The following RAI1 variants were observed in gnomAD, a reference collection of about 807,000 sequenced individuals.
RAI1 encodes the protein retinoic acid induced 1, also known as retinoic acid-induced protein 1.
A neutral mutation model predicts 123.8 loss-of-function variants in RAI1; 9 were observed. The ratio of observed to expected loss-of-function variants is 0.07; its 90% CI spans 0.04 to 0.13. The LOEUF (loss-of-function observed/expected upper bound fraction) is 0.13. RAI1 is among the 10% of genes least tolerant of loss of function. The pLI, the probability that RAI1 is intolerant of heterozygous loss-of-function variation, is 1.00. For synonymous variants in RAI1, 1,231 were observed against 1,127.3 expected (o/e 1.09, Z -1.84); for missense variants, 2,256 against 2,545.8 (o/e 0.89, Z 2.45).
intron 1 of RAI1, among the ~76,000 whole-genome samples, chr17:17,687,313 C>T (rs1050169585): frequency 6.6e-6 from 1 of 152,140 alleles, no homozygotes; most frequent in African/African-American, 2.4e-5. Context: ...GCTGGGGAGT[C>T]TTCCTTTCCT....
At chr17:17,788,890 A>G (rs1452993554) in intron 2 of RAI1, among the ~76,000 whole-genome samples, 1 of 152,092 alleles carries the variant, frequency 6.6e-6, no homozygotes, top group Non-Finnish European at 1.5e-5. Context: ...GGGTCTGAGG[A>G]GGCTTTAGGC....
At chr17:17,743,576 A>G (rs1291940646) in intron 2 of RAI1, among the ~76,000 whole-genome samples, 41 of 151,928 alleles carry the variant, frequency 2.7e-4, no homozygotes, top group Admixed American at 2.6e-3. Flanking sequence ...GCCACTGGAA[A>G]CTCCAGGACA....
Position 17,702,773 on chromosome 17 carries a change from T to C in RAI1, c.-149+20980T>C, listed in dbSNP as rs570701874. 4.6e-5 allele frequency among the ~76,000 whole-genome samples: 7 copies of C among 152,314 alleles called. No homozygotes were observed. The South Asian group carries it at 1.4e-3, about 32-fold the overall frequency. ...CAGTAGTTTATCACCAGCCATGAGG[T>C]GGCTTCTCTTAATATCTCATTTTGC... On this transcript the variant is annotated intron_variant, in intron 1 of 5. Coordinates refer to ENST00000353383, the MANE Select transcript of RAI1 (RefSeq NM_030665.4).
chr17:17,748,967 T>A (rs978952567), intron 2 of RAI1, among the ~76,000 whole-genome samples: 1 of 152,152 alleles, frequency 6.6e-6, no homozygotes, highest in African/African-American at 2.4e-5. Flanking sequence ...AACTGCTGCA[T>A]CTGTTCCTGC....
chr17:17,802,822 A>G (rs1391253067), intron 3 of RAI1, among the ~76,000 whole-genome samples: 3 of 149,814 alleles, frequency 2.0e-5, no homozygotes, highest in African/African-American at 7.4e-5. Flanking sequence ...TATGTCTTAC[A>G]CCTGTAATCC....
intron 2 of RAI1, among the ~76,000 whole-genome samples, chr17:17,769,757 G>A (rs1458813813): frequency 1.3e-5 from 2 of 152,140 alleles, no homozygotes; most frequent in Non-Finnish European, 2.9e-5. Flanking sequence ...AGGCCTGTGG[G>A]GCGAGGAGGC....
At chr17:17,737,489 T>C (rs535351941) in intron 2 of RAI1, among the ~76,000 whole-genome samples, 1 of 152,302 alleles carries the variant, frequency 6.6e-6, no homozygotes, top group South Asian at 2.1e-4. Context: ...AGTCTTACTC[T>C]TGGGGTCCCT....
chr17:17,736,004 G>A (rs1047697291), intron 2 of RAI1, among the ~76,000 whole-genome samples: 2 of 152,178 alleles, frequency 1.3e-5, no homozygotes, highest in Non-Finnish European at 1.5e-5. Flanking sequence ...TTGTGTATCT[G>A]TGTTATGTGT....
In RAI1 at chr17:17,798,321, TG is replaced by T; in HGVS notation, c.5378del (p.Gly1793AlafsTer57). On this transcript the variant is annotated frameshift_variant, in exon 3 of 6. Coordinates refer to ENST00000353383, the MANE Select transcript of RAI1 (RefSeq NM_030665.4). The stretch of plus-strand genomic sequence containing the variant: ...GCTACTGCTGTGATGGCCGGGAGGA[TG>T]GGGGCGAGGAGGCAGCCCCAGCCGA... ...SCYCCDGRED[G>X]GEEAAPADKG... 6.3e-7 allele frequency: 1 copy of T among 1,597,470 alleles called. No homozygotes were observed. The highest frequency in any genetic ancestry group is 8.5e-7 in the Non-Finnish European group (1 of 1,171,488).
intron 2 of RAI1, among the ~76,000 whole-genome samples, chr17:17,771,348 A>G (rs2031150438): frequency 6.6e-6 from 1 of 152,226 alleles, no homozygotes; most frequent in Admixed American, 6.5e-5. Flanking sequence ...GAGCAGGTCC[A>G]TGAAAGGCCC....
chr17:17,758,747 G>T (rs1013361781), intron 2 of RAI1, among the ~76,000 whole-genome samples: 1 of 152,362 alleles, frequency 6.6e-6, no homozygotes, highest in Admixed American at 6.5e-5. Context: ...ACTCAGGGCG[G>T]TGAGGATATC....
At chr17:17,783,080 C>A (rs2031663262) in intron 2 of RAI1, among the ~76,000 whole-genome samples, 2 of 144,248 alleles carry the variant, frequency 1.4e-5, no homozygotes, top group African/African-American at 2.6e-5. Flanking sequence ...CTGGTGGCAG[C>A]CCCCCGCGGT....
In RAI1 at chr17:17,796,027, C is replaced by T. The variant is rs1301619659; in HGVS notation, c.3079C>T (p.Pro1027Ser). 1 of 1,591,396 alleles carries T rather than the reference C, an allele frequency of 6.3e-7. No homozygotes were observed. Among genetic ancestry groups the T allele is most frequent in the Admixed American group, 1.8e-5 (1 of 56,682 alleles). The change falls in exon 3 of 6, where the codon CCT (proline) becomes TCT (serine). Residue 1027 changes from proline (P) to serine (S), a missense_variant. Around this residue, in one of 7 missense-constraint regions of RAI1, gnomAD observed 566 missense variants for 616.0 expected, o/e 0.92. Coordinates refer to ENST00000353383, the MANE Select transcript of RAI1 (RefSeq NM_030665.4). This position sits in a 1 kb window ranked among gnomAD's most constrained non-coding sequence, Gnocchi z 5.8. ...APVLPKDLLLPESCTGPPQGQ... is the reference protein window; with the variant it reads ...APVLPKDLLLSESCTGPPQGQ... ...AGTGCTGCCCAAAGACCTCTTGCTCCCTGAATCCTGCACAGGGCCCCCCCA... is the reference window on the plus strand; with the variant it reads ...AGTGCTGCCCAAAGACCTCTTGCTCTCTGAATCCTGCACAGGGCCCCCCCA...
chr17:17,811,373 C>T lies in RAI1; in HGVS notation c.*1392C>T. 4.4e-6 allele frequency: 1 copy of T among 225,502 alleles called. No homozygotes were observed. Among genetic ancestry groups the T allele is most frequent in the Non-Finnish European group, 8.8e-6 (1 of 114,252 alleles). 14.0% of individuals were successfully genotyped at this position (225,502 alleles called of 1,614,324 possible). Reference sequence around the variant, plus strand: ...CTGTTTCTAAAAGATGTTTATTTTCCTTAAGAGTAAAAAACAGTCATTGCA... The same window carrying T: ...CTGTTTCTAAAAGATGTTTATTTTCTTTAAGAGTAAAAAACAGTCATTGCA... On this transcript the variant is annotated 3_prime_UTR_variant, in exon 6 of 6. Coordinates refer to ENST00000353383, the MANE Select transcript of RAI1 (RefSeq NM_030665.4).
At chr17:17,759,761 A>C (rs929658551) in intron 2 of RAI1, among the ~76,000 whole-genome samples, 4 of 152,212 alleles carry the variant, frequency 2.6e-5, no homozygotes, top group African/African-American at 9.6e-5. Context: ...TGCTGCACTC[A>C]GCACCAAGCA....
intron 2 of RAI1, among the ~76,000 whole-genome samples, chr17:17,771,815 G>C (rs761803275): frequency 6.6e-6 from 1 of 152,204 alleles, no homozygotes; most frequent in Non-Finnish European, 1.5e-5. Flanking sequence ...CTGAGAGCCA[G>C]TACTCCCACT....
At chr17:17,788,359 A>G (rs901871646) in intron 2 of RAI1, among the ~76,000 whole-genome samples, 13 of 152,296 alleles carry the variant, frequency 8.5e-5, no homozygotes, top group Non-Finnish European at 1.6e-4. Flanking sequence ...CTCCCATTCA[A>G]GCCAGGCCCC....
intron 2 of RAI1, among the ~76,000 whole-genome samples, chr17:17,785,694 GTGCACCTCC>G (rs2031802811): frequency 6.6e-6 from 1 of 152,142 alleles, no homozygotes. Context: ...AGGCCGCTGA[GTGCACCTCC>G]TGCACGGGTC....
intron 1 of RAI1, among the ~76,000 whole-genome samples, chr17:17,701,094 C>T (rs569630222): frequency 6.6e-6 from 1 of 152,260 alleles, no homozygotes; most frequent in East Asian, 1.9e-4. Flanking sequence ...CCCTGCGCCT[C>T]CAACAAGATG....
Sources: gnomAD v4.1 joint callset for allele counts (sites outside exome capture counted in the v4.1 genomes callset) on GRCh38, gnomAD v4.1.1 for gene constraint, gnomAD v4.1.1 regional missense constraint, Gnocchi (gnomAD v3.1) non-coding constraint, MANE v1.5 for transcripts, NCBI Gene and HGNC (gene_info 2026-07-23, HGNC 2026-07-21) for gene names.